Variants in ANXA8 observed in about 807,000 individuals in gnomAD.
ANXA8 encodes the protein VAC-beta.
Under a neutral mutation model 26.8 loss-of-function variants are expected in ANXA8, and 9 were observed. The ratio of observed to expected loss-of-function variants is 0.34; its 90% CI spans 0.20 to 0.59. The LOEUF (loss-of-function observed/expected upper bound fraction) is 0.59, where lower values mean the gene tolerates loss of function less well. Ranked by LOEUF, ANXA8 falls within the 20% of genes least tolerant of loss-of-function variation. ANXA8 has a pLI of 0.84. For synonymous variants in ANXA8, 39 were observed against 94.8 expected, an observed-to-expected ratio of 0.41 and a Z score of 3.42; for missense variants, 83 against 238.5, an observed-to-expected ratio of 0.35 and a Z score of 4.29.
chr10:47,633,154 T>TA, the ANXA8 span, among the ~76,000 whole-genome samples: 2 of 149,314 alleles, frequency 1.3e-5, no homozygotes, highest in South Asian at 4.2e-4. Context: ...TGCTGCCACT[T>TA]ACCACGGCGG....
At chr10:47,618,479 G>T in the ANXA8 span, among the ~76,000 whole-genome samples, 2 of 109,198 alleles carry the variant, frequency 1.8e-5, 1 homozygote, top group Non-Finnish European at 4.0e-5. Context: ...TTTTTAATGT[G>T]GTATCAAATT....
the ANXA8 span, among the ~76,000 whole-genome samples, chr10:47,627,989 A>G: frequency 6.7e-6 from 1 of 150,122 alleles, no homozygotes; most frequent in Non-Finnish European, 1.5e-5. Context: ...GTACTTTAGT[A>G]AAAAACTTAT....
the ANXA8 span, among the ~76,000 whole-genome samples, chr10:47,530,646 C>T: frequency 0.03 from 4,569 of 150,006 alleles, 139 homozygotes; most frequent in African/African-American, 0.11. Flanking sequence ...TGAGCCAAGA[C>T]TGTGCCACAG....
At chr10:47,650,556 C>A in the ANXA8 span, among the ~76,000 whole-genome samples, 1 of 150,410 alleles carries the variant, frequency 6.6e-6, no homozygotes. Context: ...CCTGTAATCC[C>A]AGCACTTTGG....
the ANXA8 span, among the ~76,000 whole-genome samples, chr10:47,653,261 G>A: frequency 1.7e-4 from 26 of 149,798 alleles, no homozygotes; most frequent in South Asian, 1.0e-3. Flanking sequence ...GCAGTGAGCC[G>A]AGACTGCGCC....
chr10:47,626,677 T>C, the ANXA8 span, among the ~76,000 whole-genome samples: 1 of 150,276 alleles, frequency 6.7e-6, no homozygotes, highest in East Asian at 1.9e-4. Flanking sequence ...TGGCATCTGG[T>C]TCCCCAACTT....
the ANXA8 span, among the ~76,000 whole-genome samples, chr10:47,525,487 C>T: frequency 1.5e-5 from 2 of 136,616 alleles, no homozygotes; most frequent in African/African-American, 5.6e-5. Flanking sequence ...GATAACTGCC[C>T]CTGTGATCCA....
chr10:47,653,493 T>G, the ANXA8 span, among the ~76,000 whole-genome samples: 21 of 151,766 alleles, frequency 1.4e-4, no homozygotes, highest in Non-Finnish European at 2.9e-4. Context: ...GTTTCTGGCT[T>G]TAATAACTCC....
chr10:47,651,133 G>A, the ANXA8 span, among the ~76,000 whole-genome samples: 2 of 151,534 alleles, frequency 1.3e-5, no homozygotes, highest in Admixed American at 6.6e-5. Flanking sequence ...CTGTGCCGTC[G>A]AGGCTGCAGT....
At chr10:47,620,421 AT>A in the ANXA8 span, among the ~76,000 whole-genome samples, 174 of 78,380 alleles carry the variant, frequency 2.2e-3, 10 homozygotes, top group Middle Eastern at 5.6e-3. Flanking sequence ...TAATAAATAC[AT>A]TTTTTTAATG....
At chr10:47,976,967 G>C in the ANXA8 span, among the ~76,000 whole-genome samples, 50 of 73,158 alleles carry the variant, frequency 6.8e-4, no homozygotes, top group East Asian at 0.011. Flanking sequence ...AGAAGGCCAT[G>C]TGCACGTGCA....
chr10:47,675,689 T>C, the ANXA8 span, among the ~76,000 whole-genome samples: 1 of 151,630 alleles, frequency 6.6e-6, no homozygotes, highest in Non-Finnish European at 1.5e-5. Flanking sequence ...TATTTTTATA[T>C]AAAATGTCTG....
upstream of ANXA8, among the ~76,000 whole-genome samples, chr10:47,485,746 GGA>G (rs1565822296): frequency 6.6e-6 from 1 of 151,436 alleles, no homozygotes. Context: ...CTCATGAGAA[GGA>G]GAGAGGGCCA....
chr10:47,570,257 G>C, the ANXA8 span, among the ~76,000 whole-genome samples: 2 of 142,280 alleles, frequency 1.4e-5, no homozygotes, highest in Non-Finnish European at 3.0e-5. Flanking sequence ...AATCTAGAAG[G>C]CTTCTAATTT....
chr10:47,650,750 T>C, the ANXA8 span, among the ~76,000 whole-genome samples: 1 of 142,662 alleles, frequency 7.0e-6, no homozygotes, highest in African/African-American at 2.7e-5. Flanking sequence ...GCAGTTGCAG[T>C]GAGTGGAGAT....
chr10:47,650,197 G>C, the ANXA8 span, among the ~76,000 whole-genome samples: 1 of 140,440 alleles, frequency 7.1e-6, no homozygotes, highest in African/African-American at 2.9e-5. Flanking sequence ...GACAGGGCAA[G>C]TCTGTCTCAA....
At chr10:47,566,414 A>G in the ANXA8 span, among the ~76,000 whole-genome samples, 1 of 151,308 alleles carries the variant, frequency 6.6e-6, no homozygotes, top group East Asian at 1.9e-4. Flanking sequence ...TCTTGCCACA[A>G]ACTGAGCCGC....
chr10:47,686,941 A>T, the ANXA8 span, among the ~76,000 whole-genome samples: 1 of 151,296 alleles, frequency 6.6e-6, no homozygotes, highest in African/African-American at 2.4e-5. Flanking sequence ...GGTTGGTTTT[A>T]TTTTTAAAGA....
At chr10:47,748,492 C>G in the ANXA8 span, among the ~76,000 whole-genome samples, 1 of 151,978 alleles carries the variant, frequency 6.6e-6, no homozygotes, top group Non-Finnish European at 1.5e-5. Flanking sequence ...GGATTATAGG[C>G]GTGAGCCACC....
Sources: gnomAD v4.1 joint callset for allele counts (sites outside exome capture counted in the v4.1 genomes callset) on GRCh38, gnomAD v4.1.1 for gene constraint, MANE v1.5 for transcripts, NCBI Gene and HGNC (gene_info 2026-07-23, HGNC 2026-07-21) for gene names.